Variants in ASCC3 observed in about 807,000 individuals in gnomAD.
The protein encoded by ASCC3 is activating signal cointegrator 1 complex subunit 3.
Under a neutral mutation model 256.3 loss-of-function variants are expected in ASCC3, and 158 were observed. The ratio of observed to expected loss-of-function variants is 0.62; its 90% CI spans 0.54 to 0.70. The LOEUF is 0.70. Ranked by LOEUF, ASCC3 falls within the 30% of genes least tolerant of loss-of-function variation. The pLI, the probability that ASCC3 is intolerant of heterozygous loss-of-function variation, is 0.00. For missense variants in ASCC3, 2,259 were observed against 2,626.0 expected, an observed-to-expected ratio of 0.86 and a Z score of 3.05; for synonymous variants, 948 against 883.4, an observed-to-expected ratio of 1.07 and a Z score of -1.30.
intron 36 of ASCC3, among the ~76,000 whole-genome samples, chr6:100,557,207 C>A (rs1769634885): frequency 1.3e-5 from 2 of 152,064 alleles, no homozygotes; most frequent in African/African-American, 4.8e-5. Flanking sequence ...TGTGATTGCT[C>A]TTCTTTTTCC....
intron 1 of ASCC3, among the ~76,000 whole-genome samples, chr6:100,872,931 TGAG>T (rs1450860318): frequency 6.6e-6 from 1 of 151,992 alleles, no homozygotes; most frequent in Non-Finnish European, 1.5e-5. Context: ...CCTACCCAAA[TGAG>T]AAGAACCAGA....
intron 30 of ASCC3, among the ~76,000 whole-genome samples, chr6:100,619,652 C>T (rs1385941865): frequency 6.6e-6 from 1 of 152,032 alleles, no homozygotes; most frequent in Non-Finnish European, 1.5e-5. Context: ...CTATTTGGCC[C>T]CCTGGCTAGT....
At chr6:100,708,976 A>G (rs1352775235) in intron 13 of ASCC3, among the ~76,000 whole-genome samples, 1 of 151,876 alleles carries the variant, frequency 6.6e-6, no homozygotes, top group Non-Finnish European at 1.5e-5. Flanking sequence ...CTTCACTGGT[A>G]TGACATCACT....
At chr6:100,656,906 T>C (rs961584769) in intron 16 of ASCC3, among the ~76,000 whole-genome samples, 1 of 150,824 alleles carries the variant, frequency 6.6e-6, no homozygotes, top group Non-Finnish European at 1.5e-5. Context: ...GGAGAAGAGA[T>C]GTTCCCTACC....
In ASCC3 at chr6:100,753,961, G is replaced by A. The variant is rs111307991; in HGVS notation, c.1737+12604C>T. On this transcript the variant is annotated intron_variant, in intron 10 of 41. Coordinates refer to ENST00000369162, the MANE Select transcript of ASCC3 (RefSeq NM_006828.4). The stretch of plus-strand genomic sequence containing the variant: ...CTATATGACACTGCAATTTCTTAGT[G>A]TTTTACAGAAGACCTAAAGAGTTCA... Among the ~76,000 whole-genome samples the A allele has an allele frequency of 1.6e-3, 251 of 152,156 alleles. 1 individual carries two copies. Among genetic ancestry groups the A allele is most frequent in the African/African-American group, 5.8e-3 (241 of 41,536 alleles).
At position 100,679,680 on chromosome 6, in the gene ASCC3, A is replaced by T; in HGVS notation, c.2224T>A (p.Cys742Ser). 6.2e-7 allele frequency: 1 copy of T among 1,613,714 alleles called. No homozygotes were observed. Among genetic ancestry groups the T allele is most frequent in the South Asian group, 1.1e-5 (1 of 91,074 alleles). The change falls in exon 14 of 42, where the codon TGT becomes AGT. Residue 742 changes from cysteine to serine, a missense_variant. This residue lies in a region of ASCC3 where 1,839 missense variants were observed against 2,206.7 expected (regional missense o/e 0.83). Transcript: ENST00000369162. ...GGAAAAAAGAAGGGAATATGGCCAC[A>T]ATTTTTTGCTCTTTCTATTAGAGAC... Reference protein sequence around the residue: ...AMSLIERAKNCGHIPFFFPTQ... With the variant: ...AMSLIERAKNSGHIPFFFPTQ...
chr6:100,816,947 AAAAG>A (rs1319224596), intron 4 of ASCC3, among the ~76,000 whole-genome samples: 1 of 152,056 alleles, frequency 6.6e-6, no homozygotes, highest in Non-Finnish European at 1.5e-5. Flanking sequence ...AATTAAAAAA[AAAAG>A]AAATATAGGA....
At chr6:100,547,771 T>C (rs574957535) in intron 36 of ASCC3, among the ~76,000 whole-genome samples, 2 of 151,940 alleles carry the variant, frequency 1.3e-5, no homozygotes, top group Non-Finnish European at 2.9e-5. Context: ...CCATGTGATC[T>C]AGCTATTCCA....
intron 11 of ASCC3, among the ~76,000 whole-genome samples, chr6:100,723,133 T>C (rs558792472): frequency 6.6e-6 from 1 of 151,848 alleles, no homozygotes; most frequent in Non-Finnish European, 1.5e-5. Flanking sequence ...TCATACTGAT[T>C]CATATTCTTT....
chr6:100,877,559 T>C (rs1352554044), intron 1 of ASCC3, among the ~76,000 whole-genome samples: 3 of 152,126 alleles, frequency 2.0e-5, no homozygotes, highest in Non-Finnish European at 2.9e-5. Flanking sequence ...AGGGGGTGAT[T>C]TTTTCATGAT....
chr6:100,811,671 G>T (rs1372193614), intron 4 of ASCC3, among the ~76,000 whole-genome samples: 1 of 151,856 alleles, frequency 6.6e-6, no homozygotes, highest in Non-Finnish European at 1.5e-5. Context: ...CTTTCATATT[G>T]CCAAAAATTC....
chr6:100,639,794 C>T (rs1001735543), intron 24 of ASCC3, among the ~76,000 whole-genome samples: 2 of 152,164 alleles, frequency 1.3e-5, no homozygotes, highest in Non-Finnish European at 2.9e-5. Context: ...CTACACCAGA[C>T]TGTAGGTTTC....
intron 14 of ASCC3, among the ~76,000 whole-genome samples, chr6:100,666,487 C>T (rs1350808849): frequency 3.3e-5 from 5 of 152,088 alleles, no homozygotes; most frequent in African/African-American, 4.8e-5. Context: ...GCTTCCCATA[C>T]ATTATATAAT....
chr6:100,610,875 A>G (rs1354271361), intron 30 of ASCC3, among the ~76,000 whole-genome samples: 1 of 152,222 alleles, frequency 6.6e-6, no homozygotes, highest in Non-Finnish European at 1.5e-5. Context: ...AATAGTTCAC[A>G]GCATAAAATG....
rs779748696 is a variant in ASCC3, at chr6:100,767,471, G to A, written c.1396-126C>T. On this transcript the variant is annotated intron_variant, in intron 8 of 41. Transcript: ENST00000369162. Reference sequence around the variant, plus strand: ...AGACTAATTTGTACTTTCACAATGTGTCTTTTATTTAAACGGAGGTATATG... The same window carrying A: ...AGACTAATTTGTACTTTCACAATGTATCTTTTATTTAAACGGAGGTATATG... 175 of 977,168 alleles carry A rather than the reference G, an allele frequency of 1.8e-4. 2 individuals carry two copies. Among genetic ancestry groups the A allele is most frequent in the Non-Finnish European group, 2.1e-4 (133 of 645,226 alleles). 60.5% of individuals were successfully genotyped at this position (977,168 alleles called of 1,614,324 possible).
Position 100,705,293 on chromosome 6 carries a change from C to T in ASCC3, c.2151+10169G>A, listed in dbSNP as rs17060985. Among the ~76,000 whole-genome samples the T allele has an allele frequency of 0.013, 1,954 of 152,048 alleles. 99 individuals carry two copies. In the East Asian group the frequency reaches 0.15, roughly 11 times the overall value. On this transcript the variant is annotated intron_variant, in intron 13 of 41. Coordinates refer to ENST00000369162, the MANE Select transcript of ASCC3 (RefSeq NM_006828.4). ...TTGCACATAAAATCTATTAAGTACA[C>T]GAGCACGCAAGTTTAGATCACTAAA... is the stretch of plus-strand genomic sequence containing the variant.
At chr6:100,659,905 C>T (rs1340985820) in intron 16 of ASCC3, among the ~76,000 whole-genome samples, 1 of 151,556 alleles carries the variant, frequency 6.6e-6, no homozygotes, top group Non-Finnish European at 1.5e-5. Flanking sequence ...ATACTACATA[C>T]ATTTTTTATA....
At chr6:100,600,205 GCACACACACACA>G (rs56886686) in intron 34 of ASCC3, among the ~76,000 whole-genome samples, 19 of 145,770 alleles carry the variant, frequency 1.3e-4, no homozygotes, top group Non-Finnish European at 2.4e-4. Flanking sequence ...ACATGCACAT[GCACACACACACA>G]CACACACACA....
At chr6:100,682,159 T>A (rs1480349590) in intron 13 of ASCC3, among the ~76,000 whole-genome samples, 3 of 152,222 alleles carry the variant, frequency 2.0e-5, no homozygotes, top group South Asian at 4.2e-4. Context: ...CCAGAAAACC[T>A]CATTAACCCC....
Sources: allele counts gnomAD v4.1 joint callset (sites outside exome capture counted in the v4.1 genomes callset), GRCh38; gene constraint gnomAD v4.1.1; regional missense constraint gnomAD v4.1.1; transcripts MANE v1.5; gene names NCBI Gene and HGNC (gene_info 2026-07-23, HGNC 2026-07-21).